MYO16: variants seen among roughly 807,000 people sequenced by gnomAD.
MYO16 encodes myosin XVI, also known as unconventional myosin-XVI.
MYO16 carries 94 observed loss-of-function variants against 205.3 expected under a neutral mutation model. The observed-to-expected ratio is 0.46, with a 90% CI of 0.39 to 0.54. The LOEUF (loss-of-function observed/expected upper bound fraction) is 0.54, where lower values mean the gene tolerates loss of function less well. Ranked by LOEUF, MYO16 falls within the 20% of genes least tolerant of loss-of-function variation. The pLI is 0.00. For missense variants in MYO16, 2,315 were observed against 2,387.5 expected, an observed-to-expected ratio of 0.97 and a Z score of 0.63; for synonymous variants, 988 against 954.0, an observed-to-expected ratio of 1.04 and a Z score of -0.66.
At chr13:108,605,774 G>A (rs751911245) in intron 1 of MYO16, among the ~76,000 whole-genome samples, 21 of 152,174 alleles carry the variant, frequency 1.4e-4, no homozygotes, top group Non-Finnish European at 2.6e-4. Flanking sequence ...ATTGGTACCA[G>A]GGTAGTGGGG....
In MYO16 at chr13:108,962,412, A is replaced by G. The variant is rs752197413; in HGVS notation, c.2156-12A>G. Reference sequence around the variant, plus strand: ...TACTAACTTTATGTTTATAATGCTGATTTAATTTTAGTGGCTGGAATGTTA... The same window carrying G: ...TACTAACTTTATGTTTATAATGCTGGTTTAATTTTAGTGGCTGGAATGTTA... On this transcript the variant is annotated splice_polypyrimidine_tract_variant and intron_variant, in intron 18 of 34. Transcript: ENST00000457511. The G allele has an allele frequency of 1.9e-6, 3 of 1,599,162 alleles. No individual in the cohort carries two copies. Among genetic ancestry groups the G allele is most frequent in the Admixed American group, 3.5e-5 (2 of 57,852 alleles).
chr13:109,165,218 A>G (rs1231509221), intron 33 of MYO16, among the ~76,000 whole-genome samples, 159 bp downstream of exon 33: 1 of 152,234 alleles, frequency 6.6e-6, no homozygotes, highest in Admixed American at 6.5e-5. Context: ...TTGTCAGCAT[A>G]TGATTGCTTC....
chr13:109,175,652 C>T (rs1879136708), intron 33 of MYO16, among the ~76,000 whole-genome samples: 1 of 152,156 alleles, frequency 6.6e-6, no homozygotes, highest in Admixed American at 6.5e-5. Context: ...ACACATGAAT[C>T]TCTAAGCTGG....
the MYO16 span, among the ~76,000 whole-genome samples, chr13:108,544,066 CAAAAAAAA>C: frequency 5.8e-5 from 3 of 51,386 alleles, no homozygotes; most frequent in Non-Finnish European, 1.2e-4. Context: ...ACTCCGTCTC[CAAAAAAAA>C]AAAAAAAAAA....
intron 10 of MYO16, among the ~76,000 whole-genome samples, chr13:108,844,971 G>A (rs551774818): frequency 6.6e-6 from 1 of 152,066 alleles, no homozygotes; most frequent in Non-Finnish European, 1.5e-5. Flanking sequence ...ATGTGTACTT[G>A]TCTGGTGCCT....
the MYO16 span, among the ~76,000 whole-genome samples, chr13:108,540,304 G>A: frequency 3.0e-3 from 464 of 152,218 alleles, 2 homozygotes; most frequent in African/African-American, 0.01. Flanking sequence ...TATTGTTATA[G>A]GTTTTACTTT....
At position 109,206,705 on chromosome 13, in the gene MYO16, C is replaced by A; in HGVS notation, c.5512C>A (p.Gln1838Lys). Reference protein sequence around the residue: ...RKLCEEGQDWQQILHHAEPRV... With the variant: ...RKLCEEGQDWKQILHHAEPRV... Reference sequence around the variant, plus strand: ...GCTCTGTGAGGAAGGACAAGACTGGCAGCAGATCCTGCACCACGCTGAGCC... The same window carrying A: ...GCTCTGTGAGGAAGGACAAGACTGGAAGCAGATCCTGCACCACGCTGAGCC... Residue 1838 changes from glutamine to lysine, a missense_variant, in exon 35 of 35, where the codon CAG becomes AAG. By Grantham distance (53) the Gln-to-Lys change is moderately conservative. This residue lies in a region of MYO16 where 1,097 missense variants were observed against 1,092.0 expected (regional missense o/e 1.00). Transcript: ENST00000457511. The A allele has an allele frequency of 6.2e-7, 1 of 1,614,190 alleles. No individual in the cohort carries two copies. The highest frequency in any genetic ancestry group is 8.5e-7 in the Non-Finnish European group (1 of 1,180,018).
chr13:109,185,893 T>C (rs1214267271), intron 34 of MYO16, among the ~76,000 whole-genome samples: 1 of 152,136 alleles, frequency 6.6e-6, no homozygotes, highest in African/African-American at 2.4e-5. Flanking sequence ...TAAAAAAAAA[T>C]CTCACTTTCT....
chr13:109,123,158 G>T (rs1876072836), intron 29 of MYO16, among the ~76,000 whole-genome samples: 1 of 152,152 alleles, frequency 6.6e-6, no homozygotes, highest in Non-Finnish European at 1.5e-5. Context: ...TCCATTAGTG[G>T]CAATTTTATT....
Position 109,140,043 on chromosome 13 carries a change from G to A in MYO16, c.4052-221G>A, listed in dbSNP as rs1005413734. Among the ~76,000 whole-genome samples, 2 of 152,044 alleles carry A rather than the reference G, an allele frequency of 1.3e-5. No homozygotes were observed. The highest frequency in any genetic ancestry group is 2.9e-5 in the Non-Finnish European group (2 of 68,008). ...ACTGGACAACCTCCTCAGAGGGTGG[G>A]AGTCTTCTTCCATCTCCAAGATCAA... On this transcript the variant is annotated intron_variant, in intron 31 of 34. Coordinates refer to ENST00000457511, the MANE Select transcript of MYO16 (RefSeq NM_001198950.3). The surrounding 1 kb of genome is among the most constrained non-coding windows in gnomAD (Gnocchi z 8.0).
At chr13:108,619,640 A>C (rs1879469688) in intron 1 of MYO16, among the ~76,000 whole-genome samples, 1 of 152,188 alleles carries the variant, frequency 6.6e-6, no homozygotes, top group Non-Finnish European at 1.5e-5. Flanking sequence ...CAGTGCAGCT[A>C]ACCTGGCCAA....
intron 7 of MYO16, among the ~76,000 whole-genome samples, chr13:108,818,919 T>C (rs1241630806): frequency 6.6e-6 from 1 of 152,182 alleles, no homozygotes; most frequent in African/African-American, 2.4e-5. Flanking sequence ...TGCTCTATTC[T>C]TTTACACCCA....
chr13:108,854,837 G>A (rs903039886), intron 10 of MYO16, among the ~76,000 whole-genome samples: 1 of 151,952 alleles, frequency 6.6e-6, no homozygotes, highest in African/African-American at 2.4e-5. Context: ...AACATTCATG[G>A]CATATTAAAT....
At chr13:108,892,014 T>A (rs952760676) in intron 14 of MYO16, among the ~76,000 whole-genome samples, 1 of 152,164 alleles carries the variant, frequency 6.6e-6, no homozygotes, top group African/African-American at 2.4e-5. Context: ...ATTAATAAAT[T>A]AGTATTATTT....
upstream of MYO16, among the ~76,000 whole-genome samples, chr13:108,628,583 G>A (rs1272034991): frequency 1.3e-5 from 2 of 152,126 alleles, no homozygotes; most frequent in Non-Finnish European, 2.9e-5. Context: ...TGTTCTGTGC[G>A]AAATCTTCAA....
chr13:108,981,858 T>C (rs544598653), intron 20 of MYO16, among the ~76,000 whole-genome samples: 1 of 152,370 alleles, frequency 6.6e-6, no homozygotes, highest in Non-Finnish European at 1.5e-5. Context: ...TATGTACATT[T>C]GAAGGTCATT....
chr13:108,717,214 A>G (rs887453617), intron 3 of MYO16, among the ~76,000 whole-genome samples: 11 of 152,332 alleles, frequency 7.2e-5, no homozygotes, highest in African/African-American at 2.6e-4. Context: ...CCTCCACCTC[A>G]GACTATAGCC....
chr13:109,171,259 T>G (rs1269672073), intron 33 of MYO16, among the ~76,000 whole-genome samples: 2 of 152,234 alleles, frequency 1.3e-5, no homozygotes, highest in Admixed American at 1.3e-4. Flanking sequence ...ATTACACATG[T>G]GCAGAATGTG....
chr13:108,759,164 TA>T (rs34519128), intron 4 of MYO16, among the ~76,000 whole-genome samples: 25,968 of 148,052 alleles, frequency 0.18, 2,341 homozygotes, highest in Non-Finnish European at 0.22. Context: ...TGTAGTCTGT[TA>T]AAAAAAAAAA....
Sources: allele counts gnomAD v4.1 joint callset (sites outside exome capture counted in the v4.1 genomes callset), GRCh38; gene constraint gnomAD v4.1.1; regional missense constraint gnomAD v4.1.1; non-coding constraint Gnocchi (gnomAD v3.1); transcripts MANE v1.5; gene names NCBI Gene and HGNC (gene_info 2026-07-23, HGNC 2026-07-21).